SUSD4: variants seen among roughly 807,000 people sequenced by gnomAD.
SUSD4 encodes sushi domain-containing protein 4.
In SUSD4, 41 loss-of-function variants were observed where a neutral mutation model predicts 50.5. The ratio of observed to expected loss-of-function variants is 0.81; its 90% CI spans 0.63 to 1.05. SUSD4 has a LOEUF of 1.05. SUSD4 is among the 50% of genes least tolerant of loss of function. SUSD4 has a pLI of 0.00. For missense variants in SUSD4, 580 were observed against 634.7 expected (o/e 0.91, Z 0.93); for synonymous variants, 257 against 257.3 (o/e 1.00, Z 0.01).
At chr1:223,327,261 A>G (rs2103262003) in intron 2 of SUSD4, among the ~76,000 whole-genome samples, 1 of 152,344 alleles carries the variant, frequency 6.6e-6, no homozygotes, top group Admixed American at 6.5e-5. Flanking sequence ...GTTCTCACTT[A>G]TAAGTAGGAA....
At position 223,332,209 on chromosome 1, in the gene SUSD4, AAGATG is replaced by A. The variant is rs1667214960; in HGVS notation, c.148+31064_148+31068del. 2.6e-5 allele frequency among the ~76,000 whole-genome samples: 4 copies of A among 152,212 alleles called. No homozygotes were observed. In the South Asian group the frequency reaches 8.3e-4, roughly 32 times the overall value. ...TGCTCTGTGTAGCCATAAAATACCT[AAGATG>A]TGGTTCATAAAATATTTGGAGGGTG... On this transcript the variant is annotated intron_variant, in intron 2 of 8. Transcript: ENST00000366878. The surrounding 1 kb of genome is among the most constrained non-coding windows in gnomAD (Gnocchi z 4.0).
intron 5 of SUSD4, among the ~76,000 whole-genome samples, chr1:223,237,143 C>A (rs1247832184): frequency 6.6e-6 from 1 of 151,996 alleles, no homozygotes; most frequent in African/African-American, 2.4e-5. Context: ...ACTTCAAATT[C>A]CACTTGTTCA....
At chr1:223,330,349 A>G (rs762326611) in intron 2 of SUSD4, among the ~76,000 whole-genome samples, 2 of 152,234 alleles carry the variant, frequency 1.3e-5, no homozygotes, top group African/African-American at 2.4e-5. Context: ...TTTAAGAAAT[A>G]AAAGTTTTCT....
intron 5 of SUSD4, chr1:223,263,785 A>T: frequency 1.0e-6 from 1 of 985,470 alleles, no homozygotes; most frequent in African/African-American, 1.7e-5. Flanking sequence ...GTAAACTTGT[A>T]AGAACTCATT....
chr1:223,313,684 T>G (rs1666011464), intron 2 of SUSD4, among the ~76,000 whole-genome samples: 1 of 152,216 alleles, frequency 6.6e-6, no homozygotes, highest in Middle Eastern at 3.4e-3. Context: ...CAGCACAAGG[T>G]AAGGTCACAA....
chr1:223,264,614 G>C lies in SUSD4; in HGVS notation c.724+16C>G. On this transcript the variant is annotated intron_variant, in intron 5 of 8. Coordinates refer to ENST00000366878, the MANE Select transcript of SUSD4 (RefSeq NM_017982.4). ...ATAATACAAAATACAACTTCCGAAA[G>C]AATGAGATGTGTTACCTTCCAGAGC... 6 of 1,612,362 alleles carry C rather than the reference G, an allele frequency of 3.7e-6. 1 individual carries two copies. In the Middle Eastern group the frequency reaches 8.3e-4, roughly 222 times the overall value.
chr1:223,303,754 G>A (rs1665337934), intron 2 of SUSD4, among the ~76,000 whole-genome samples: 1 of 152,132 alleles, frequency 6.6e-6, no homozygotes, highest in Non-Finnish European at 1.5e-5. Flanking sequence ...GTTAGTGAGG[G>A]ATTTAGGGTC....
chr1:223,238,202 C>A (rs1660347858), intron 5 of SUSD4, among the ~76,000 whole-genome samples: 1 of 151,942 alleles, frequency 6.6e-6, no homozygotes. Flanking sequence ...TCCACTCTTT[C>A]ATTTCTGATA....
rs1662695131 is a variant in SUSD4, at chr1:223,268,650, A to G, written c.387T>C (p.Asp129=). The G allele has an allele frequency of 4.3e-6, 7 of 1,612,724 alleles. No homozygotes were observed. Among genetic ancestry groups the G allele is most frequent in the East Asian group, 2.2e-5 (1 of 44,846 alleles). ...QEDCRIPQIE[D]AEIHNKTYRH... ...TATATGTCTTGTTATGAATCTCAGC[A>G]TCTTCGATTTGAGGGATACGGCAAT... Residue 129 remains aspartate, a synonymous_variant, in exon 4 of 9, where the codon GAT becomes GAC. Transcript: ENST00000366878.
intron 2 of SUSD4, among the ~76,000 whole-genome samples, chr1:223,337,100 G>T (rs1667499139): frequency 6.6e-6 from 1 of 152,200 alleles, no homozygotes; most frequent in African/African-American, 2.4e-5. Flanking sequence ...ACCGTAATTT[G>T]TTCAGTTCTC....
At chr1:223,239,763 T>C (rs1385942129) in intron 5 of SUSD4, among the ~76,000 whole-genome samples, 1 of 151,696 alleles carries the variant, frequency 6.6e-6, no homozygotes, top group Admixed American at 6.6e-5. Flanking sequence ...TGTGATCAAG[T>C]ACATTACTAT....
chr1:223,279,359 G>A (rs1663522408), intron 3 of SUSD4, among the ~76,000 whole-genome samples: 1 of 152,206 alleles, frequency 6.6e-6, no homozygotes, highest in Admixed American at 6.5e-5. Flanking sequence ...AGAATAACCA[G>A]TGTAGAGAAG....
At chr1:223,254,905 CA>C (rs139619860) in intron 5 of SUSD4, among the ~76,000 whole-genome samples, 37,664 of 152,076 alleles carry the variant, frequency 0.25, 5,740 homozygotes, top group Non-Finnish European at 0.35. Flanking sequence ...ATGAACAGTA[CA>C]TGGAAATGAT....
chr1:223,269,034 T>A (rs1227766289), intron 3 of SUSD4, among the ~76,000 whole-genome samples: 5 of 152,240 alleles, frequency 3.3e-5, no homozygotes, highest in Non-Finnish European at 5.9e-5. Context: ...GTTACATACT[T>A]TACTGTGTTT....
chr1:223,263,857 C>T (rs1414523242), intron 5 of SUSD4: 12 of 985,328 alleles, frequency 1.2e-5, no homozygotes, highest in East Asian at 1.1e-4. Flanking sequence ...GGCTTTGAAG[C>T]GGCTCCTGAC....
At chr1:223,317,851 C>CCT (rs1558245056) in intron 2 of SUSD4, among the ~76,000 whole-genome samples, 52 of 100,732 alleles carry the variant, frequency 5.2e-4, no homozygotes, top group Admixed American at 6.0e-4. Flanking sequence ...TTTTTTTTTT[C>CCT]TTTTTTTTTT....
At chr1:223,299,694 C>A (rs1665058077) in intron 2 of SUSD4, among the ~76,000 whole-genome samples, 1 of 152,154 alleles carries the variant, frequency 6.6e-6, no homozygotes, top group African/African-American at 2.4e-5. Flanking sequence ...AAGCAGATTA[C>A]CCTCCCTAAG....
intron 5 of SUSD4, among the ~76,000 whole-genome samples, chr1:223,236,320 T>C (rs1660217034): frequency 2.0e-5 from 3 of 152,162 alleles, no homozygotes; most frequent in Non-Finnish European, 2.9e-5. Context: ...TCTGTTAACA[T>C]TGTCTTTTGC....
intron 2 of SUSD4, among the ~76,000 whole-genome samples, chr1:223,345,932 C>A (rs1668007746): frequency 6.6e-6 from 1 of 152,158 alleles, no homozygotes; most frequent in South Asian, 2.1e-4. Flanking sequence ...CACCTCTCAC[C>A]TGGAGCTCCT....
Sources: allele counts gnomAD v4.1 joint callset (sites outside exome capture counted in the v4.1 genomes callset), GRCh38; gene constraint gnomAD v4.1.1; non-coding constraint Gnocchi (gnomAD v3.1); transcripts MANE v1.5; gene names NCBI Gene and HGNC (gene_info 2026-07-23, HGNC 2026-07-21).